Variants in PRKCZ observed in about 807,000 individuals in gnomAD.
PRKCZ encodes the protein protein kinase C zeta type.
PRKCZ carries 33 observed loss-of-function variants against 79.5 expected under a neutral mutation model. That is an observed-to-expected ratio of 0.41 (90% CI 0.31 to 0.55). The LOEUF (loss-of-function observed/expected upper bound fraction) is 0.55, where lower values mean the gene tolerates loss of function less well. Ranked by LOEUF, PRKCZ falls within the 20% of genes least tolerant of loss-of-function variation. The probability of loss-of-function intolerance (pLI) is 0.19; values close to 1 mark genes in which losing one functional copy is unlikely to be tolerated. For missense variants in PRKCZ, 578 were observed against 813.5 expected, an observed-to-expected ratio of 0.71 and a Z score of 3.52; for synonymous variants, 342 against 320.9, an observed-to-expected ratio of 1.07 and a Z score of -0.70.
At chr1:2,059,053 C>A (rs1660438587) in intron 3 of PRKCZ, among the ~76,000 whole-genome samples, 1 of 152,150 alleles carries the variant, frequency 6.6e-6, no homozygotes, top group Non-Finnish European at 1.5e-5. Flanking sequence ...TCTCGGCCTC[C>A]CAAAGTGCTG....
Position 2,082,150 on chromosome 1 carries a change from G to C in PRKCZ, c.334+22559G>C. On this transcript the variant is annotated intron_variant, in intron 4 of 17. Transcript: ENST00000378567. This position sits in a 1 kb window ranked among gnomAD's most constrained non-coding sequence, Gnocchi z 4.4. Reference sequence around the variant, plus strand: ...CATCCGAGGGCGGACGTGGTCAGGGGTGCTGGACGCGTCAGACGGGTTCTT... The same window carrying C: ...CATCCGAGGGCGGACGTGGTCAGGGCTGCTGGACGCGTCAGACGGGTTCTT... The C allele has an allele frequency of 2.9e-6, 1 of 339,594 alleles. No individual in the cohort carries two copies. Among genetic ancestry groups the C allele is most frequent in the Non-Finnish European group, 5.8e-6 (1 of 173,522 alleles). 21.0% of individuals were successfully genotyped at this position (339,594 alleles called of 1,614,324 possible). A position where few individuals can be genotyped will look rare whatever the true frequency, so the allele number is the denominator to read the frequency against.
chr1:2,084,316 G>A (rs1664099318), intron 4 of PRKCZ, among the ~76,000 whole-genome samples: 1 of 152,222 alleles, frequency 6.6e-6, no homozygotes, highest in Non-Finnish European at 1.5e-5. Flanking sequence ...GTCTTCCTAA[G>A]CGCAGTGGAA....
In PRKCZ at chr1:2,172,243, G is replaced by A. The variant is rs546108992; in HGVS notation, c.1197+53G>A. ...CCATCCCGCATGTGCGTCTCGGGGC[G>A]CCTGTCCCGCGGGGTAGTGTCTACA... On this transcript the variant is annotated intron_variant, in intron 12 of 17. Transcript: ENST00000378567. This position sits in a 1 kb window ranked among gnomAD's most constrained non-coding sequence, Gnocchi z 7.8. 92 of 1,613,338 alleles carry A rather than the reference G, an allele frequency of 5.7e-5. No individual in the cohort carries two copies. Among genetic ancestry groups the A allele is most frequent in the Admixed American group, 4.2e-4 (25 of 60,012 alleles).
chr1:2,106,873 C>T lies in PRKCZ; in HGVS notation c.335-28389C>T, dbSNP rs145431852. Among the ~76,000 whole-genome samples, 1,324 of 145,336 alleles carry T rather than the reference C, an allele frequency of 9.1e-3. 101 individuals are homozygous for T. Among genetic ancestry groups the T allele is most frequent in the African/African-American group, 0.025 (982 of 39,132 alleles). ...GGCCAGGCGACTCTTCAGCAAGCCC[C>T]TCCACACGTGTCACCAGGCCAGGTG... On this transcript the variant is annotated intron_variant, in intron 4 of 17. Transcript: ENST00000378567.
intron 4 of PRKCZ, among the ~76,000 whole-genome samples, chr1:2,107,929 C>CGGCAGTGTCAAGGGAGCCCCT (rs766201437): frequency 6.6e-6 from 1 of 151,450 alleles, no homozygotes; most frequent in African/African-American, 2.4e-5. Context: ...CCCCCAACCC[C>CGGCAGTGTCAAGGGAGCCCCT]GGCAGTGTCA....
chr1:2,121,648 TCACGGTGGTGG>T lies in PRKCZ; in HGVS notation c.335-13613_335-13603del, dbSNP rs1672007277. On this transcript the variant is annotated intron_variant, in intron 4 of 17. Transcript: ENST00000378567. ...GTTAGGGTCACAGTGGTAGTTAGGGTCACGGTGGTGGTTAGGGTCGTGGTGGTGGTTAGGGT... is the reference window on the plus strand; with the variant it reads ...GTTAGGGTCACAGTGGTAGTTAGGGTTTAGGGTCGTGGTGGTGGTTAGGGT... Among the ~76,000 whole-genome samples, 2 of 127,330 alleles carry T rather than the reference TCACGGTGGTGG, an allele frequency of 1.6e-5. 1 individual carries two copies. Among genetic ancestry groups the T allele is most frequent in the African/African-American group, 7.1e-5 (2 of 27,980 alleles). 83.5% of individuals were successfully genotyped at this position (127,330 alleles called of 152,430 possible).
At chr1:2,052,291 G>A (rs1659743726) in intron 1 of PRKCZ, among the ~76,000 whole-genome samples, 1 of 152,104 alleles carries the variant, frequency 6.6e-6, no homozygotes, top group Non-Finnish European at 1.5e-5. Context: ...GCCTTGCTTT[G>A]GCCCCTGGGA....
Position 2,056,434 on chromosome 1 carries a change from C to T in PRKCZ, c.194-50C>T, listed in dbSNP as rs566486890. ...TGCTGAGCGGGCTCGTCACAGCCCCCTTTGCCTCGGGCCTTCGGCGACGTC... is the reference window on the plus strand; with the variant it reads ...TGCTGAGCGGGCTCGTCACAGCCCCTTTTGCCTCGGGCCTTCGGCGACGTC... On this transcript the variant is annotated intron_variant, in intron 2 of 17. Coordinates refer to ENST00000378567, the MANE Select transcript of PRKCZ (RefSeq NM_002744.6). The T allele has an allele frequency of 3.2e-5, 50 of 1,554,868 alleles. No individual in the cohort carries two copies. The African/African-American group carries it at 5.3e-4, about 16-fold the overall frequency.
rs1659532119 is a variant in PRKCZ at position 2,050,440 on chromosome 1, A to ACGGTCCCGCCCCGCGCGCCCCC, written c.-188_-167dup. 1 of 197,192 alleles carries ACGGTCCCGCCCCGCGCGCCCCC rather than the reference A, an allele frequency of 5.1e-6. No homozygotes were observed. Among genetic ancestry groups the ACGGTCCCGCCCCGCGCGCCCCC allele is most frequent in the East Asian group, 1.4e-4 (1 of 7,156 alleles). 12.2% of individuals were successfully genotyped at this position (197,192 alleles called of 1,614,324 possible). ...GGACACCGCCCCCCGCCCCCGCCGGACGGTCCCGCCCCGCGCGCCCCCCGC... is the reference window on the plus strand; with the variant it reads ...GGACACCGCCCCCCGCCCCCGCCGGACGGTCCCGCCCCGCGCGCCCCCCGGTCCCGCCCCGCGCGCCCCCCGC... On this transcript the variant is annotated 5_prime_UTR_variant, in exon 1 of 18. Coordinates refer to ENST00000378567, the MANE Select transcript of PRKCZ (RefSeq NM_002744.6).
intron 4 of PRKCZ, among the ~76,000 whole-genome samples, chr1:2,109,630 G>C (rs1315272188): frequency 6.6e-6 from 1 of 152,180 alleles, no homozygotes; most frequent in Non-Finnish European, 1.5e-5. Flanking sequence ...GGAGAGTCCC[G>C]GCCGTGGTGA....
At chr1:2,055,838 C>T (rs1660109190) in intron 2 of PRKCZ, 2 of 378,880 alleles carry the variant, frequency 5.3e-6, no homozygotes, top group South Asian at 1.1e-4. Context: ...GTCCTCACCT[C>T]TTCCTCTGAC....
At chr1:2,166,741 AC>A (rs1355267232) in intron 10 of PRKCZ, among the ~76,000 whole-genome samples, 1 of 150,750 alleles carries the variant, frequency 6.6e-6, no homozygotes, top group East Asian at 1.9e-4. Flanking sequence ...TCAGCCCCCC[AC>A]CCCCACCCCC....
chr1:2,059,293 G>A (rs1015771528), intron 3 of PRKCZ, among the ~76,000 whole-genome samples: 1 of 152,208 alleles, frequency 6.6e-6, no homozygotes, highest in African/African-American at 2.4e-5. Flanking sequence ...TTCCTCTGAT[G>A]GCTTTGCTGT....
Position 2,174,961 on chromosome 1 carries a change from C to A in PRKCZ, c.1485+128C>A. On this transcript the variant is annotated intron_variant, in intron 15 of 17. Coordinates refer to ENST00000378567, the MANE Select transcript of PRKCZ (RefSeq NM_002744.6). This position sits in a 1 kb window ranked among gnomAD's most constrained non-coding sequence, Gnocchi z 6.2. ...GTATCGGGTGTGTGGGTTGATTTTC[C>A]GCTTCAGTATTTGAGCTCTGTGTTC... 1 of 998,260 alleles carries A rather than the reference C, an allele frequency of 1.0e-6. No homozygotes were observed. The highest frequency in any genetic ancestry group is 1.5e-6 in the Non-Finnish European group (1 of 658,568). 61.8% of individuals were successfully genotyped at this position (998,260 alleles called of 1,614,324 possible).
intron 16 of PRKCZ, among the ~76,000 whole-genome samples, chr1:2,176,705 C>T (rs1448911788): frequency 2.0e-5 from 3 of 152,264 alleles, no homozygotes; most frequent in East Asian, 1.9e-4. Flanking sequence ...TGGGAGGTCA[C>T]TCCCTGGCCC....
intron 4 of PRKCZ, among the ~76,000 whole-genome samples, chr1:2,086,749 G>A (rs182590227): frequency 7.0e-4 from 107 of 152,340 alleles, no homozygotes; most frequent in African/African-American, 1.8e-3. Context: ...TCCCAGTGCC[G>A]CAGGCTCTTC....
intron 4 of PRKCZ, chr1:2,071,574 C>G (rs536753762): frequency 5.4e-6 from 1 of 184,878 alleles, no homozygotes; most frequent in African/African-American, 2.4e-5. Flanking sequence ...ACTGGAAAAG[C>G]TAGTTTTCCC....
chr1:2,127,409 G>A lies in PRKCZ; in HGVS notation c.335-7853G>A, dbSNP rs377693502. 2.4e-5 allele frequency among the ~76,000 whole-genome samples: 3 copies of A among 122,804 alleles called. No homozygotes were observed. Among genetic ancestry groups the A allele is most frequent in the Admixed American group, 1.7e-4 (2 of 11,814 alleles). The allele number at this position is 122,804 out of a possible 152,430, so 80.6% of individuals were successfully genotyped here. A position where few individuals can be genotyped will look rare whatever the true frequency, so the allele number is the denominator to read the frequency against. On this transcript the variant is annotated intron_variant, in intron 4 of 17. Transcript: ENST00000378567. The surrounding 1 kb of genome is among the most constrained non-coding windows in gnomAD (Gnocchi z 5.1). ...CACCTCCACTGCCCCCCCCACCGCC[G>A]CCCCTGCCCCACGGCCACCCCAGAT... is the stretch of plus-strand genomic sequence containing the variant.
At chr1:2,133,528 C>CT (rs1675458667) in intron 4 of PRKCZ, 1 of 133,906 alleles carries the variant, frequency 7.5e-6, no homozygotes, top group Non-Finnish European at 1.6e-5. Flanking sequence ...CCCTTGGTTC[C>CT]ACCCCCCCCA....
Sources: gnomAD v4.1 joint callset for allele counts (sites outside exome capture counted in the v4.1 genomes callset) on GRCh38, gnomAD v4.1.1 for gene constraint, Gnocchi (gnomAD v3.1) non-coding constraint, MANE v1.5 for transcripts, NCBI Gene and HGNC (gene_info 2026-07-23, HGNC 2026-07-21) for gene names.